NFYA: variants seen among roughly 807,000 people sequenced by gnomAD.
NFYA encodes nuclear transcription factor Y subunit alpha.
A neutral mutation model predicts 52.8 loss-of-function variants in NFYA; 28 were observed. The observed-to-expected ratio is 0.53, with a 90% CI of 0.39 to 0.73. The LOEUF is 0.73. Among genes scored for constraint, NFYA ranks in the 30% least tolerant of loss-of-function variants. The pLI, the probability that NFYA is intolerant of heterozygous loss-of-function variation, is 0.00. For missense variants in NFYA, 234 were observed against 427.0 expected (o/e 0.55, Z 3.98); for synonymous variants, 150 against 150.7 (o/e 1.00, Z 0.03).
intron 8 of NFYA, 87 bp downstream of exon 8, chr6:41,093,172 C>A: frequency 8.3e-7 from 1 of 1,199,408 alleles, no homozygotes; most frequent in Non-Finnish European, 1.2e-6. Context: ...TGTTTTCTCA[C>A]GTACCTTCCA....
In NFYA at chr6:41,099,565, TG is replaced by T. The variant is rs772666663; in HGVS notation, c.*2160del. The T allele has an allele frequency of 4.6e-5, 7 of 152,240 alleles. No individual in the cohort carries two copies. Among genetic ancestry groups the T allele is most frequent in the Non-Finnish European group, 7.3e-5 (5 of 68,038 alleles). The allele number at this position is 152,240 out of a possible 1,614,324, so 9.4% of individuals were successfully genotyped here. A position where few individuals can be genotyped will look rare whatever the true frequency, so the allele number is the denominator to read the frequency against. On this transcript the variant is annotated 3_prime_UTR_variant, in exon 10 of 10. Coordinates refer to ENST00000341376, the MANE Select transcript of NFYA (RefSeq NM_002505.5). ...TGGCACACCATAGTAGCCCACAAAG[TG>T]GGGGCAGGGTATTGACATTTGGATT...
intron 3 of NFYA, among the ~76,000 whole-genome samples, chr6:41,083,059 GA>G (rs1248554673): frequency 2.6e-5 from 4 of 152,210 alleles, no homozygotes; most frequent in Non-Finnish European, 4.4e-5. Context: ...TTTCAGTCAT[GA>G]ATATTCTGTT....
At position 41,073,009 on chromosome 6, in the gene NFYA, G is replaced by T. The variant is rs965489702; in HGVS notation, c.-137G>T. ...GGCAGTGGCGGCGGCAGCGGCGGCT[G>T]GAGCCTCTGATTGGGTTTCGGAGTC... On this transcript the variant is annotated 5_prime_UTR_variant, in exon 1 of 10. Transcript: ENST00000341376. 11 of 155,010 alleles carry T rather than the reference G, an allele frequency of 7.1e-5. No individual in the cohort carries two copies. Among genetic ancestry groups the T allele is most frequent in the Admixed American group, 1.3e-4 (2 of 15,306 alleles). 9.6% of individuals were successfully genotyped at this position (155,010 alleles called of 1,614,324 possible). A position where few individuals can be genotyped will look rare whatever the true frequency, so the allele number is the denominator to read the frequency against.
rs975741364 is a variant in NFYA at position 41,101,443 on chromosome 6, C to T, written c.*4033C>T. Among the ~76,000 whole-genome samples the T allele has an allele frequency of 1.4e-4, 22 of 152,186 alleles. No homozygotes were observed. Among genetic ancestry groups the T allele is most frequent in the African/African-American group, 5.1e-4 (21 of 41,444 alleles). On this transcript the variant is annotated 3_prime_UTR_variant, in exon 10 of 10. Transcript: ENST00000341376. Reference sequence around the variant, plus strand: ...TGAAACTCAGAGGAAAGGATTTTTACAGGACCACGCCCCGGGCTTTGAACC... The same window carrying T: ...TGAAACTCAGAGGAAAGGATTTTTATAGGACCACGCCCCGGGCTTTGAACC...
rs1355066514 is a variant in NFYA, at chr6:41,098,749, C to G, written c.*1339C>G. 1 of 152,644 alleles carries G rather than the reference C, an allele frequency of 6.6e-6. No individual in the cohort carries two copies. Among genetic ancestry groups the G allele is most frequent in the Non-Finnish European group, 1.5e-5 (1 of 68,054 alleles). 9.5% of individuals were successfully genotyped at this position (152,644 alleles called of 1,614,324 possible). On this transcript the variant is annotated 3_prime_UTR_variant, in exon 10 of 10. Transcript: ENST00000341376. ...TAGGCCTTGTGCAGAAAGGTTTTCT[C>G]ATTGCATCCATACTGTGAGAATAAA...
rs143543955 is a variant in NFYA at position 41,096,696 on chromosome 6, C to T, written c.991-661C>T. Among the ~76,000 whole-genome samples, 250 of 152,286 alleles carry T rather than the reference C, an allele frequency of 1.6e-3. 1 individual carries two copies. Among genetic ancestry groups the T allele is most frequent in the Middle Eastern group, 0.01 (3 of 294 alleles). ...ATGGGGGAACTAAAGGTGGTTCTTG[C>T]GGAGTGTTGCAAAAAGCTTCCAAGG... On this transcript the variant is annotated intron_variant, in intron 9 of 9. Coordinates refer to ENST00000341376, the MANE Select transcript of NFYA (RefSeq NM_002505.5).
intron 6 of NFYA, 121 bp downstream of exon 6, chr6:41,090,430 A>G (rs957067155): frequency 3.7e-5 from 22 of 589,304 alleles, no homozygotes; most frequent in Admixed American, 8.8e-5. Flanking sequence ...GACAAAAAAA[A>G]AAAAGATTTC....
chr6:41,076,594 GC>G (rs1458050492), intron 1 of NFYA, among the ~76,000 whole-genome samples: 1 of 152,172 alleles, frequency 6.6e-6, no homozygotes, highest in African/African-American at 2.4e-5. Flanking sequence ...GAATAGTGGG[GC>G]AAAGAGAATT....
At chr6:41,085,109 GAATT>G (rs540333873) in intron 4 of NFYA, among the ~76,000 whole-genome samples, 71 of 152,166 alleles carry the variant, frequency 4.7e-4, no homozygotes, top group African/African-American at 1.6e-3. Context: ...TGGAGAAAAA[GAATT>G]AATCATTATT....
intron 3 of NFYA, among the ~76,000 whole-genome samples, chr6:41,083,470 G>A (rs538695368): frequency 1.3e-5 from 2 of 151,990 alleles, no homozygotes; most frequent in South Asian, 4.1e-4. Context: ...AGAGTAAAAT[G>A]AGCAGGATAA....
chr6:41,093,409 T>C (rs1764247442), intron 8 of NFYA, among the ~76,000 whole-genome samples: 2 of 152,158 alleles, frequency 1.3e-5, no homozygotes, highest in Non-Finnish European at 2.9e-5. Context: ...GTGCTGTTCA[T>C]GGTCCAAGAT....
At chr6:41,074,848 G>C (rs1763690291) in intron 1 of NFYA, among the ~76,000 whole-genome samples, 1 of 152,150 alleles carries the variant, frequency 6.6e-6, no homozygotes, top group Non-Finnish European at 1.5e-5. Flanking sequence ...AGTTCTTTGG[G>C]GATGAAGAGG....
chr6:41,082,759 G>A (rs1389962021), intron 3 of NFYA, among the ~76,000 whole-genome samples: 2 of 152,176 alleles, frequency 1.3e-5, no homozygotes, highest in Admixed American at 1.3e-4. Flanking sequence ...CAAGCATTTG[G>A]TGTAGCAAAG....
rs1030790651 is a variant in NFYA at position 41,101,140 on chromosome 6, C to G, written c.*3730C>G. ...CCTCGGGGATGGGAACCCGAGCTCG[C>G]CACGGCCCAGGGCGTCCTCCTAGGC... On this transcript the variant is annotated 3_prime_UTR_variant, in exon 10 of 10. Coordinates refer to ENST00000341376, the MANE Select transcript of NFYA (RefSeq NM_002505.5). 2 of 152,218 alleles carry G rather than the reference C, an allele frequency of 1.3e-5. No homozygotes were observed. The highest frequency in any genetic ancestry group is 4.8e-5 in the African/African-American group (2 of 41,460). The allele number at this position is 152,218 out of a possible 1,614,324, so 9.4% of individuals were successfully genotyped here.
rs1436751457 is a variant in NFYA, at chr6:41,098,281, A to C, written c.*871A>C. On this transcript the variant is annotated 3_prime_UTR_variant, in exon 10 of 10. Transcript: ENST00000341376. ...ACTGAGGAGATTTGTAATACTCCTA[A>C]AGGAAGGGCCAAACTAGAGATTTTC... 6.6e-6 allele frequency: 1 copy of C among 152,588 alleles called. No individual in the cohort carries two copies. Among genetic ancestry groups the C allele is most frequent in the African/African-American group, 2.4e-5 (1 of 41,458 alleles). The allele number at this position is 152,588 out of a possible 1,614,324, so 9.5% of individuals were successfully genotyped here.
At chr6:41,077,765 A>G (rs943221779) in intron 1 of NFYA, among the ~76,000 whole-genome samples, 3 of 152,290 alleles carry the variant, frequency 2.0e-5, no homozygotes, top group African/African-American at 7.2e-5. Context: ...GTAAATCCAA[A>G]TTATAGCTAG....
chr6:41,073,236 C>T (rs1277270758), intron 1 of NFYA, among the ~76,000 whole-genome samples, 152 bp downstream of exon 1: 1 of 151,638 alleles, frequency 6.6e-6, no homozygotes, highest in Non-Finnish European at 1.5e-5. Context: ...GCGGCCCCGG[C>T]CCGGGGCCTG....
chr6:41,078,699 T>C (rs1223636309), intron 1 of NFYA, among the ~76,000 whole-genome samples: 4 of 152,244 alleles, frequency 2.6e-5, no homozygotes, highest in Admixed American at 6.5e-5. Context: ...CTAAAGTATA[T>C]GTGCAAACCT....
Position 41,077,291 on chromosome 6 carries a change from C to T in NFYA, c.-61-1738C>T, listed in dbSNP as rs563267064. Among the ~76,000 whole-genome samples, 101 of 152,148 alleles carry T rather than the reference C, an allele frequency of 6.6e-4. 2 individuals are homozygous for T. The highest frequency in any genetic ancestry group is 9.8e-4 in the Admixed American group (15 of 15,290). On this transcript the variant is annotated intron_variant, in intron 1 of 9. Coordinates refer to ENST00000341376, the MANE Select transcript of NFYA (RefSeq NM_002505.5). ...AAATGTGTATTTTGATGAGTTTTGA[C>T]AAATTTGTACACCTGTGCAACTGCT...
Sources: allele counts gnomAD v4.1 joint callset (sites outside exome capture counted in the v4.1 genomes callset), GRCh38; gene constraint gnomAD v4.1.1; transcripts MANE v1.5; gene names NCBI Gene and HGNC (gene_info 2026-07-23, HGNC 2026-07-21).